Variants in COL22A1 observed in about 807,000 individuals in gnomAD.
COL22A1 encodes the protein collagen alpha-1(XXII) chain.
Under a neutral mutation model 248.9 loss-of-function variants are expected in COL22A1, and 221 were observed. That is an observed-to-expected ratio of 0.89 (90% CI 0.80 to 0.99). The LOEUF (loss-of-function observed/expected upper bound fraction) is 0.99, where lower values mean the gene tolerates loss of function less well. Among genes scored for constraint, COL22A1 ranks in the 50% least tolerant of loss-of-function variants. The probability of loss-of-function intolerance (pLI) is 0.00; values close to 1 mark genes in which losing one functional copy is unlikely to be tolerated. For synonymous variants in COL22A1, 891 were observed against 793.4 expected (o/e 1.12, Z -2.07); for missense variants, 2,240 against 2,179.0 (o/e 1.03, Z -0.56).
Position 138,653,124 on chromosome 8 carries a change from A to G in COL22A1, c.3333+2773T>C, listed in dbSNP as rs187703269. 7.2e-5 allele frequency among the ~76,000 whole-genome samples: 11 copies of G among 152,240 alleles called. No homozygotes were observed. The East Asian group carries it at 1.9e-3, about 27-fold the overall frequency. On this transcript the variant is annotated intron_variant, in intron 45 of 64. Transcript: ENST00000303045. ...TGTACTTTGTGTGGTTTGAAGTACC[A>G]AGTAAGCACTCAACAAAATGCTTAC...
chr8:138,838,247 G>A (rs1313792625), intron 4 of COL22A1, among the ~76,000 whole-genome samples: 1 of 152,142 alleles, frequency 6.6e-6, no homozygotes, highest in Non-Finnish European at 1.5e-5. Context: ...ATCTCACAGA[G>A]GTGGGGTCCC....
intron 1 of COL22A1, among the ~76,000 whole-genome samples, chr8:138,893,000 C>T (rs766677395): frequency 4.6e-5 from 7 of 152,290 alleles, no homozygotes; most frequent in Middle Eastern, 3.4e-3. Context: ...CTATCACAGA[C>T]CCAGCTTGGA....
intron 47 of COL22A1, among the ~76,000 whole-genome samples, chr8:138,638,640 A>G (rs1417475522): frequency 6.6e-6 from 1 of 152,218 alleles, no homozygotes; most frequent in African/African-American, 2.4e-5. Context: ...GAGAAAAAAA[A>G]TGGAGTCAGA....
At chr8:138,875,120 G>A (rs531881559) in intron 3 of COL22A1, among the ~76,000 whole-genome samples, 3 of 152,314 alleles carry the variant, frequency 2.0e-5, no homozygotes, top group South Asian at 4.2e-4. Context: ...GAAATGGAGA[G>A]TGGAATGAAT....
chr8:138,613,584 G>C (rs1819076693), intron 56 of COL22A1, among the ~76,000 whole-genome samples: 1 of 152,144 alleles, frequency 6.6e-6, no homozygotes, highest in Admixed American at 6.5e-5. Flanking sequence ...GTGTGGCCCA[G>C]AGCTAGAGCA....
chr8:138,771,632 G>A (rs1164430088), intron 16 of COL22A1, among the ~76,000 whole-genome samples: 1 of 151,472 alleles, frequency 6.6e-6, no homozygotes, highest in African/African-American at 2.5e-5. Context: ...GTTTTGGCAA[G>A]AACAAAACAG....
At position 138,711,155 on chromosome 8, in the gene COL22A1, C is replaced by T. The variant is rs1435689567; in HGVS notation, c.2517+4527G>A. Among the ~76,000 whole-genome samples the T allele has an allele frequency of 3.3e-5, 5 of 152,128 alleles. No individual in the cohort carries two copies. The East Asian group carries it at 9.7e-4, about 29-fold the overall frequency. ...TGGGTGTTAGGGTTGATGCAACAGGCCTGGGTTCTAATCCCAGCTCCTCCA... is the reference window on the plus strand; with the variant it reads ...TGGGTGTTAGGGTTGATGCAACAGGTCTGGGTTCTAATCCCAGCTCCTCCA... On this transcript the variant is annotated intron_variant, in intron 30 of 64. Coordinates refer to ENST00000303045, the MANE Select transcript of COL22A1 (RefSeq NM_152888.3).
chr8:138,680,330 C>A (rs944724775), intron 39 of COL22A1, among the ~76,000 whole-genome samples: 7 of 152,130 alleles, frequency 4.6e-5, no homozygotes, highest in Admixed American at 2.6e-4. Context: ...ACTCTTTACT[C>A]CTTCATACGG....
At chr8:138,798,059 G>T (rs1816701045) in intron 11 of COL22A1, among the ~76,000 whole-genome samples, 2 of 151,186 alleles carry the variant, frequency 1.3e-5, no homozygotes, top group Non-Finnish European at 3.0e-5. Flanking sequence ...GAATACAAAA[G>T]ATATAACCTA....
intron 44 of COL22A1, among the ~76,000 whole-genome samples, chr8:138,657,411 ACATTGC>A (rs1260154384): frequency 6.6e-6 from 1 of 152,274 alleles, no homozygotes; most frequent in Non-Finnish European, 1.5e-5. Context: ...GGATATTCTT[ACATTGC>A]CATTGAGTCC....
At chr8:138,913,177 A>T (rs1815578593) in intron 1 of COL22A1, among the ~76,000 whole-genome samples, 1 of 151,354 alleles carries the variant, frequency 6.6e-6, no homozygotes, top group Non-Finnish European at 1.5e-5. Context: ...TTCTTTCCCC[A>T]CCCCCTGCTC....
intron 9 of COL22A1, among the ~76,000 whole-genome samples, chr8:138,810,434 T>A (rs1818115555): frequency 6.6e-6 from 1 of 152,228 alleles, no homozygotes; most frequent in Non-Finnish European, 1.5e-5. Context: ...TCAGCCTGAC[T>A]GCGGTGGACC....
intron 1 of COL22A1, among the ~76,000 whole-genome samples, chr8:138,905,732 A>G (rs1417572693): frequency 6.6e-6 from 1 of 152,114 alleles, no homozygotes; most frequent in Non-Finnish European, 1.5e-5. Flanking sequence ...AGTTTCGTTC[A>G]TGTTCTATCC....
At chr8:138,620,611 T>A (rs1271893930) in intron 52 of COL22A1, 1 of 152,164 alleles carries the variant, frequency 6.6e-6, no homozygotes, top group Admixed American at 6.5e-5. Context: ...CAGAGTCAAC[T>A]GTGATGGCCA....
chr8:138,796,837 T>C lies in COL22A1; in HGVS notation c.1578A>G (p.Gln526=). The C allele has an allele frequency of 6.2e-7, 1 of 1,602,324 alleles. No individual in the cohort carries two copies. Among genetic ancestry groups the C allele is most frequent in the Non-Finnish European group, 8.6e-7 (1 of 1,169,364 alleles). The change falls in exon 12 of 65, where the codon CAA becomes CAG. Residue 526 remains glutamine, a synonymous_variant. Transcript: ENST00000303045. ...TGCTTACCTTTTCACCCTTTTCCCC[T>C]TGGCCAAAAGGTCCTATGCCCTAGA... ...KGDVGIGPFG[Q]GEKGEKGSLG...
intron 22 of COL22A1, among the ~76,000 whole-genome samples, chr8:138,748,846 A>T (rs1832351609): frequency 6.6e-6 from 1 of 152,172 alleles, no homozygotes; most frequent in Non-Finnish European, 1.5e-5. Flanking sequence ...GGTTTAAAGA[A>T]GTTGTATCTA....
chr8:138,705,958 C>CA (rs1173078015), intron 30 of COL22A1, among the ~76,000 whole-genome samples: 5 of 150,840 alleles, frequency 3.3e-5, no homozygotes, highest in Non-Finnish European at 5.9e-5. Context: ...AAATGGAAAG[C>CA]AAAAAAAACC....
At chr8:138,805,956 G>C (rs1817570222) in intron 10 of COL22A1, among the ~76,000 whole-genome samples, 1 of 142,480 alleles carries the variant, frequency 7.0e-6, no homozygotes, top group Admixed American at 6.9e-5. Flanking sequence ...GTATATTATG[G>C]TGTGTATGTG....
intron 23 of COL22A1, among the ~76,000 whole-genome samples, chr8:138,729,351 G>C (rs1177706739): frequency 6.6e-6 from 1 of 152,152 alleles, no homozygotes; most frequent in Non-Finnish European, 1.5e-5. Flanking sequence ...AGGGAGACTA[G>C]AACTTAGGGC....
Sources: allele counts gnomAD v4.1 joint callset (sites outside exome capture counted in the v4.1 genomes callset), GRCh38; gene constraint gnomAD v4.1.1; transcripts MANE v1.5; gene names NCBI Gene and HGNC (gene_info 2026-07-23, HGNC 2026-07-21).